Variants in DZIP1 observed in about 807,000 individuals in gnomAD.
DZIP1 encodes cilium assembly protein DZIP1.
A neutral mutation model predicts 107.6 loss-of-function variants in DZIP1; 97 were observed. That is an observed-to-expected ratio of 0.90 (90% CI 0.77 to 1.07). The LOEUF (loss-of-function observed/expected upper bound fraction) is 1.07. Among genes scored for constraint, DZIP1 ranks in the 50% least tolerant of loss-of-function variants. The pLI is 0.00. For synonymous variants in DZIP1, 390 were observed against 386.4 expected, an observed-to-expected ratio of 1.01 and a Z score of -0.11; for missense variants, 1,035 against 1,063.6, an observed-to-expected ratio of 0.97 and a Z score of 0.37.
chr13:95,633,701 A>AT, intron 5 of DZIP1, among the ~76,000 whole-genome samples: 1 of 149,242 alleles, frequency 6.7e-6, no homozygotes, highest in Non-Finnish European at 1.5e-5. Flanking sequence ...AAAAAAAAAA[A>AT]ATTCAGGTAC....
intron 21 of DZIP1, 91 bp downstream of exon 21, chr13:95,585,915 T>A: frequency 7.7e-7 from 1 of 1,298,872 alleles, no homozygotes; most frequent in Non-Finnish European, 1.0e-6. Flanking sequence ...CAGCTAACTA[T>A]CTGTTTTATA....
chr13:95,624,684 G>A (rs560905572), intron 8 of DZIP1, 84 bp downstream of exon 8: 125 of 1,227,092 alleles, frequency 1.0e-4, no homozygotes, highest in Non-Finnish European at 1.4e-4. Context: ...TAAAGTAACT[G>A]CTGGATCCCC....
chr13:95,607,450 C>T (rs941709257), intron 13 of DZIP1, among the ~76,000 whole-genome samples: 1 of 152,158 alleles, frequency 6.6e-6, no homozygotes, highest in Non-Finnish European at 1.5e-5. Flanking sequence ...GAAATACTGC[C>T]TTTGTACCCA....
Position 95,641,308 on chromosome 13 carries a change from G to A in DZIP1, c.584C>T (p.Ala195Val). 6.3e-7 allele frequency: 1 copy of A among 1,589,142 alleles called. No homozygotes were observed. The highest frequency in any genetic ancestry group is 1.1e-5 in the South Asian group (1 of 88,848). ...ACAGCTGCCCACCTGGTAATAGTTG[G>A]CTTTGGCCTCGATCATCAGCTGCTG... is the stretch of plus-strand genomic sequence containing the variant. The part of the protein sequence containing the change: ...STQQLMIEAK[A>V]NYYQCHFCDK... The change falls in exon 5 of 23, where the codon GCC becomes GTC. Residue 195 changes from alanine to valine, a missense_variant. By Grantham distance (64) the Ala-to-Val change is moderately conservative. Coordinates refer to ENST00000376829, the MANE Select transcript of DZIP1 (RefSeq NM_198968.4). The surrounding 1 kb of genome is among the most constrained non-coding windows in gnomAD (Gnocchi z 4.3).
chr13:95,629,856 T>C (rs541995510), intron 7 of DZIP1, 133 bp downstream of exon 7: 1 of 848,562 alleles, frequency 1.2e-6, no homozygotes, highest in Admixed American at 3.6e-5. Flanking sequence ...AAAGAGTAGA[T>C]TGGCAATAAA....
intron 16 of DZIP1, among the ~76,000 whole-genome samples, chr13:95,591,709 T>C (rs575977369): frequency 3.0e-4 from 46 of 152,384 alleles, no homozygotes; most frequent in Admixed American, 1.5e-3. Flanking sequence ...ATTTGTTTCA[T>C]GCCTGTCTTC....
In DZIP1 at chr13:95,587,586, G is replaced by A; in HGVS notation, c.2171C>T (p.Thr724Ile). 3.1e-6 allele frequency: 5 copies of A among 1,614,032 alleles called. No homozygotes were observed. The highest frequency in any genetic ancestry group is 4.2e-6 in the Non-Finnish European group (5 of 1,180,004). ...KNTVKSDADGTEGSEIEDTDD... is the reference protein window; with the variant it reads ...KNTVKSDADGIEGSEIEDTDD... ...AGTGTCCTCGATTTCGCTTCCCTCG[G>A]TCCCGTCCGCGTCACTTTTCACTGT... Residue 724 changes from threonine (T) to isoleucine (I), a missense_variant, in exon 20 of 23, where the codon ACC becomes ATC. By Grantham distance (89) the Thr-to-Ile change is moderately conservative (BLOSUM62 -1). Coordinates refer to ENST00000376829, the MANE Select transcript of DZIP1 (RefSeq NM_198968.4).
Position 95,586,137 on chromosome 13 carries a change from C to G in DZIP1, c.2219-1G>C. The G allele has an allele frequency of 6.3e-7, 1 of 1,585,558 alleles. No individual in the cohort carries two copies. Among genetic ancestry groups the G allele is most frequent in the South Asian group, 1.2e-5 (1 of 85,204 alleles). ...TCAGTAGGTGTTTTAACGGCGACTCCTATAAGATCAATAAAAATTAGGCAA... is the reference window on the plus strand; with the variant it reads ...TCAGTAGGTGTTTTAACGGCGACTCGTATAAGATCAATAAAAATTAGGCAA... On this transcript the variant is annotated splice_acceptor_variant, in intron 20 of 22. Transcript: ENST00000376829. LOFTEE classifies it high-confidence loss of function.
rs765347543 is a variant in DZIP1 at position 95,587,616 on chromosome 13, T to C, written c.2141A>G (p.Lys714Arg). The C allele has an allele frequency of 6.2e-7, 1 of 1,614,196 alleles. No individual in the cohort carries two copies. The highest frequency in any genetic ancestry group is 8.5e-7 in the Non-Finnish European group (1 of 1,180,040). The stretch of plus-strand genomic sequence containing the variant: ...GTCCGCGTCACTTTTCACTGTGTTC[T>C]TCCCGAAGCTGCCCTTGTTTTGTGG... ...PPPQNKGSFGKNTVKSDADGT... is the reference protein window; with the variant it reads ...PPPQNKGSFGRNTVKSDADGT... Residue 714 changes from lysine (K) to arginine (R), a missense_variant, in exon 20 of 23, where the codon AAG becomes AGG. Transcript: ENST00000376829.
intron 5 of DZIP1, among the ~76,000 whole-genome samples, chr13:95,633,552 G>A (rs932798989): frequency 2.6e-5 from 4 of 151,628 alleles, no homozygotes; most frequent in Admixed American, 2.6e-4. Flanking sequence ...AGTGGCATGT[G>A]CCTGTAGTCC....
At chr13:95,591,434 T>C (rs1418479350) in intron 16 of DZIP1, among the ~76,000 whole-genome samples, 2 of 152,178 alleles carry the variant, frequency 1.3e-5, no homozygotes, top group Non-Finnish European at 2.9e-5. Flanking sequence ...AAAGGGATAT[T>C]TGTTGAATAA....
intron 7 of DZIP1, 73 bp from the exon 8 acceptor site, chr13:95,625,002 C>A: frequency 7.6e-7 from 1 of 1,312,954 alleles, no homozygotes; most frequent in South Asian, 1.5e-5. Flanking sequence ...AATAAAAGTT[C>A]ATAGCATCAC....
Position 95,582,081 on chromosome 13 carries a change from G to T in DZIP1, c.*153C>A. The T allele has an allele frequency of 6.0e-6, 4 of 662,158 alleles. No individual in the cohort carries two copies. Among genetic ancestry groups the T allele is most frequent in the Non-Finnish European group, 1.1e-5 (4 of 374,028 alleles). The allele number at this position is 662,158 out of a possible 1,614,324, so 41.0% of individuals were successfully genotyped here. Reference sequence around the variant, plus strand: ...TCTGATTTTCAATACTGTATTGGGTGCCATTAAAGAGACCATTGTTCTTTG... The same window carrying T: ...TCTGATTTTCAATACTGTATTGGGTTCCATTAAAGAGACCATTGTTCTTTG... On this transcript the variant is annotated 3_prime_UTR_variant, in exon 23 of 23. Transcript: ENST00000376829.
At chr13:95,632,740 C>T (rs1311997014) in intron 6 of DZIP1, among the ~76,000 whole-genome samples, 1 of 152,144 alleles carries the variant, frequency 6.6e-6, no homozygotes, top group African/African-American at 2.4e-5. Context: ...TCACCACACA[C>T]CATCACCTCA....
chr13:95,586,122 T>C lies in DZIP1; in HGVS notation c.2233A>G (p.Thr745Ala), dbSNP rs750545095. Residue 745 changes from threonine (T) to alanine (A), a missense_variant, in exon 21 of 23, where the codon ACA becomes GCA. By Grantham distance (58) the Thr-to-Ala change is moderately conservative. Transcript: ENST00000376829. Reference sequence around the variant, plus strand: ...ATCTTTTCAACTTTTTCAGTAGGTGTTTTAACGGCGACTCCTATAAGATCA... The same window carrying C: ...ATCTTTTCAACTTTTTCAGTAGGTGCTTTAACGGCGACTCCTATAAGATCA... The part of the protein sequence containing the change: ...SPKPAGVAVK[T>A]PTEKVEKMFP... 1.2e-6 allele frequency: 2 copies of C among 1,609,856 alleles called. No individual in the cohort carries two copies. Among genetic ancestry groups the C allele is most frequent in the South Asian group, 2.2e-5 (2 of 89,866 alleles).
intron 21 of DZIP1, among the ~76,000 whole-genome samples, chr13:95,585,324 GCACACAGTTCTAC>G (rs545802209): frequency 2.0e-4 from 30 of 152,282 alleles, no homozygotes; most frequent in African/African-American, 7.0e-4. Flanking sequence ...ACTGAAAGGT[GCACACAGTTCTAC>G]CATGCCCTTC....
At chr13:95,624,491 C>T (rs1876297922) in intron 8 of DZIP1, among the ~76,000 whole-genome samples, 2 of 152,190 alleles carry the variant, frequency 1.3e-5, no homozygotes, top group South Asian at 2.1e-4. Flanking sequence ...TCAAGGCTAA[C>T]CTAACCAGAT....
chr13:95,586,065 C>G lies in DZIP1; in HGVS notation c.2290G>C (p.Val764Leu). The change falls in exon 21 of 23, where the codon GTC (valine) becomes CTC (leucine). Residue 764 changes from valine (V) to leucine (L), a missense_variant. By Grantham distance (32) the Val-to-Leu change is conservative. Coordinates refer to ENST00000376829, the MANE Select transcript of DZIP1 (RefSeq NM_198968.4). ...FPHRKNVNKP[V>L]GGTNVPEMFI... Reference sequence around the variant, plus strand: ...ATCTCAGGGACATTAGTTCCACCGACTGGTTTGTTCACATTTTTGCGATGT... The same window carrying G: ...ATCTCAGGGACATTAGTTCCACCGAGTGGTTTGTTCACATTTTTGCGATGT... 1 of 1,610,850 alleles carries G rather than the reference C, an allele frequency of 6.2e-7. No homozygotes were observed. The highest frequency in any genetic ancestry group is 8.5e-7 in the Non-Finnish European group (1 of 1,178,958).
At chr13:95,621,664 C>T (rs1223505183) in intron 9 of DZIP1, among the ~76,000 whole-genome samples, 1 of 86,282 alleles carries the variant, frequency 1.2e-5, no homozygotes, top group Non-Finnish European at 2.7e-5. Flanking sequence ...GACCAGTTAG[C>T]AGTGTGTGTG....
Sources: gnomAD v4.1 joint callset for allele counts (sites outside exome capture counted in the v4.1 genomes callset) on GRCh38, gnomAD v4.1.1 for gene constraint, Gnocchi (gnomAD v3.1) non-coding constraint, MANE v1.5 for transcripts, NCBI Gene and HGNC (gene_info 2026-07-23, HGNC 2026-07-21) for gene names.